The following DLG2 variants were observed in gnomAD, a reference collection of about 807,000 sequenced individuals.
DLG2 encodes disks large homolog 2.
In DLG2, 45 loss-of-function variants were observed where a neutral mutation model predicts 132.5. The ratio of observed to expected loss-of-function variants is 0.34; its 90% CI spans 0.27 to 0.44. The LOEUF (loss-of-function observed/expected upper bound fraction) is 0.44, where lower values mean the gene tolerates loss of function less well. Ranked by LOEUF, DLG2 falls within the 20% of genes least tolerant of loss-of-function variation. The pLI is 1.00. For missense variants in DLG2, 1,045 were observed against 1,196.9 expected (o/e 0.87, Z 1.87); for synonymous variants, 424 against 419.6 (o/e 1.01, Z -0.13).
chr11:84,397,986 C>T (rs2098816644), intron 7 of DLG2, among the ~76,000 whole-genome samples: 2 of 152,194 alleles, frequency 1.3e-5, no homozygotes, highest in Non-Finnish European at 1.5e-5. Context: ...TATACATGAA[C>T]TCTTTCTTCA....
At chr11:84,586,037 G>A (rs2099528915) in intron 6 of DLG2, among the ~76,000 whole-genome samples, 1 of 151,974 alleles carries the variant, frequency 6.6e-6, no homozygotes, top group Admixed American at 6.6e-5. Flanking sequence ...TGTAATCCCA[G>A]CTACTTGGGT....
At chr11:85,553,704 T>C (rs2076790538) in intron 3 of DLG2, among the ~76,000 whole-genome samples, 1 of 151,492 alleles carries the variant, frequency 6.6e-6, no homozygotes, top group African/African-American at 2.4e-5. Context: ...AAATTATCCA[T>C]ATAACAGATC....
At chr11:83,863,497 C>T (rs1277633260) in intron 16 of DLG2, among the ~76,000 whole-genome samples, 1 of 151,958 alleles carries the variant, frequency 6.6e-6, no homozygotes, top group African/African-American at 2.4e-5. Context: ...GAGACTTTGT[C>T]AATTGAGTCC....
intron 9 of DLG2, among the ~76,000 whole-genome samples, chr11:84,153,092 T>C (rs1464517548): frequency 6.6e-6 from 1 of 152,218 alleles, no homozygotes; most frequent in Non-Finnish European, 1.5e-5. Flanking sequence ...CTCCTTTGTG[T>C]ATGAAACTTA....
intron 19 of DLG2, among the ~76,000 whole-genome samples, chr11:83,549,763 A>G (rs1237075934): frequency 6.6e-6 from 1 of 152,214 alleles, no homozygotes. Context: ...CATTTAGTGC[A>G]TATTTGTCTT....
intron 5 of DLG2, among the ~76,000 whole-genome samples, chr11:85,142,316 G>A (rs971782027): frequency 1.5e-4 from 22 of 151,674 alleles, no homozygotes; most frequent in Admixed American, 3.9e-4. Context: ...TTTATTTGTA[G>A]TTATTGTAAA....
chr11:83,906,277 A>T (rs1244451893), intron 15 of DLG2, among the ~76,000 whole-genome samples: 20,103 of 97,322 alleles, frequency 0.21, 2,641 homozygotes, highest in South Asian at 0.32. Context: ...ACACACACAC[A>T]CACACACACA....
intron 16 of DLG2, among the ~76,000 whole-genome samples, chr11:83,873,683 G>T (rs1398684370): frequency 6.6e-6 from 1 of 152,148 alleles, no homozygotes; most frequent in Non-Finnish European, 1.5e-5. Flanking sequence ...AATAGATAGA[G>T]CCTGGCACCA....
At position 84,587,645 on chromosome 11, in the gene DLG2, C is replaced by CT. The variant is rs2099532894; in HGVS notation, c.358-52915dup. On this transcript the variant is annotated intron_variant, in intron 6 of 27. Coordinates refer to ENST00000376104, the MANE Select transcript of DLG2 (RefSeq NM_001142699.3). ...AGTCCCCAGTGCATCTGATGGCAGA[C>CT]TTGCTCCAAGCTCCTAACATCACTT... is the stretch of plus-strand genomic sequence containing the variant. 2.0e-5 allele frequency among the ~76,000 whole-genome samples: 3 copies of CT among 152,272 alleles called. No individual in the cohort carries two copies. In the South Asian group the frequency reaches 6.2e-4, roughly 32 times the overall value.
chr11:84,915,719 CTTG>C (rs1448823813), intron 6 of DLG2, among the ~76,000 whole-genome samples: 1 of 152,102 alleles, frequency 6.6e-6, no homozygotes, highest in Non-Finnish European at 1.5e-5. Flanking sequence ...GGAAACTCTC[CTTG>C]TTGTGCATCT....
At chr11:84,714,584 TCTC>T (rs1376267092) in intron 6 of DLG2, among the ~76,000 whole-genome samples, 6 of 131,234 alleles carry the variant, frequency 4.6e-5, no homozygotes, top group Middle Eastern at 3.9e-3. Flanking sequence ...TCTTTCTCTT[TCTC>T]TTTCTCTTTC....
intron 6 of DLG2, among the ~76,000 whole-genome samples, chr11:84,876,633 G>C (rs933298253): frequency 1.3e-5 from 2 of 152,034 alleles, no homozygotes; most frequent in Non-Finnish European, 2.9e-5. Flanking sequence ...CAAAAAAACA[G>C]CTCCTGGATT....
At chr11:84,343,318 A>T (rs1207497136) in intron 7 of DLG2, among the ~76,000 whole-genome samples, 1 of 152,206 alleles carries the variant, frequency 6.6e-6, no homozygotes, top group South Asian at 2.1e-4. Flanking sequence ...ATAATTAGAT[A>T]TTACAAAGTT....
At chr11:83,575,666 G>A (rs1346390438) in intron 19 of DLG2, among the ~76,000 whole-genome samples, 2 of 152,056 alleles carry the variant, frequency 1.3e-5, no homozygotes, top group Non-Finnish European at 2.9e-5. Flanking sequence ...ACAATTCATG[G>A]GGCATTAAGT....
intron 3 of DLG2, among the ~76,000 whole-genome samples, chr11:85,326,404 T>A (rs1454210228): frequency 2.7e-4 from 31 of 116,764 alleles, no homozygotes; most frequent in Non-Finnish European, 4.7e-4. Flanking sequence ...GGAAAGCCCA[T>A]CAGACTAACA....
intron 6 of DLG2, among the ~76,000 whole-genome samples, chr11:84,757,731 A>G (rs889232633): frequency 6.6e-6 from 1 of 152,188 alleles, no homozygotes; most frequent in South Asian, 2.1e-4. Context: ...GGAAGACACA[A>G]ATGGCTTTAG....
At chr11:85,534,122 G>A (rs2153195275) in intron 3 of DLG2, among the ~76,000 whole-genome samples, 1 of 152,026 alleles carries the variant, frequency 6.6e-6, no homozygotes, top group Admixed American at 6.6e-5. Flanking sequence ...CGAGTAGCTG[G>A]GACTACAGGC....
chr11:84,394,042 C>T lies in DLG2; in HGVS notation c.519+140528G>A, dbSNP rs1017384291. ...CTGTGATTACAGGCATGCATCAACA[C>T]GCCCAGCTATTTTTAGTAGAGACAG... is the stretch of plus-strand genomic sequence containing the variant. On this transcript the variant is annotated intron_variant, in intron 7 of 27. Transcript: ENST00000376104. 7.2e-5 allele frequency among the ~76,000 whole-genome samples: 11 copies of T among 152,066 alleles called. 1 individual carries two copies. The South Asian group carries it at 1.0e-3, about 14-fold the overall frequency.
chr11:85,517,057 C>T (rs190123574), intron 3 of DLG2, among the ~76,000 whole-genome samples: 39 of 152,070 alleles, frequency 2.6e-4, no homozygotes, highest in African/African-American at 8.9e-4. Context: ...TCCAACAGCA[C>T]ATCAAAAAGA....
Sources: allele counts gnomAD v4.1 joint callset (sites outside exome capture counted in the v4.1 genomes callset), GRCh38; gene constraint gnomAD v4.1.1; transcripts MANE v1.5; gene names NCBI Gene and HGNC (gene_info 2026-07-23, HGNC 2026-07-21).